KIAA1217: variants seen among roughly 807,000 people sequenced by gnomAD.
The protein encoded by KIAA1217 is sickle tail protein homolog.
In KIAA1217, 88 loss-of-function variants were observed where a neutral mutation model predicts 163.9. That is an observed-to-expected ratio of 0.54 (90% CI 0.45 to 0.64). KIAA1217 has a LOEUF of 0.64. Among genes scored for constraint, KIAA1217 ranks in the 30% least tolerant of loss-of-function variants. The pLI is 0.00. For missense variants in KIAA1217, 2,372 were observed against 2,475.0 expected (o/e 0.96, Z 0.88); for synonymous variants, 903 against 923.1 (o/e 0.98, Z 0.39).
chr10:23,720,756 A>T (rs995022245), intron 1 of KIAA1217, among the ~76,000 whole-genome samples: 1 of 152,194 alleles, frequency 6.6e-6, no homozygotes, highest in South Asian at 2.1e-4. Context: ...CTACTGTAAG[A>T]ATAGTCTGTC....
At chr10:23,775,009 A>G (rs977655433) in intron 1 of KIAA1217, among the ~76,000 whole-genome samples, 10 of 152,170 alleles carry the variant, frequency 6.6e-5, no homozygotes, top group Admixed American at 6.6e-4. Context: ...GGTTGGGTCA[A>G]ATGATGAAGA....
At chr10:24,005,505 AG>A (rs1846952675) in intron 1 of KIAA1217, among the ~76,000 whole-genome samples, 1 of 152,200 alleles carries the variant, frequency 6.6e-6, no homozygotes, top group Non-Finnish European at 1.5e-5. Context: ...TGTAAGTGGA[AG>A]GATCCCAGAC....
At chr10:23,797,538 C>T (rs1836263901) in intron 1 of KIAA1217, among the ~76,000 whole-genome samples, 1 of 152,090 alleles carries the variant, frequency 6.6e-6, no homozygotes, top group South Asian at 2.1e-4. Context: ...AATTGACTCA[C>T]AGTTCCACAG....
At chr10:24,044,763 T>C (rs1848871485) in intron 2 of KIAA1217, among the ~76,000 whole-genome samples, 1 of 152,186 alleles carries the variant, frequency 6.6e-6, no homozygotes, top group Non-Finnish European at 1.5e-5. Flanking sequence ...CTTTCATTAC[T>C]AAGCTGAAAA....
intron 9 of KIAA1217, among the ~76,000 whole-genome samples, chr10:24,503,358 C>T (rs1023223566): frequency 1.3e-5 from 2 of 152,212 alleles, no homozygotes; most frequent in Non-Finnish European, 2.9e-5. Flanking sequence ...TGAATCTCAT[C>T]GTCTGTGATG....
chr10:23,888,453 A>T (rs971300170), intron 1 of KIAA1217, among the ~76,000 whole-genome samples: 13 of 152,006 alleles, frequency 8.6e-5, no homozygotes, highest in African/African-American at 2.6e-4. Flanking sequence ...ATGCATCTGA[A>T]ATCAACTATC....
At chr10:24,241,630 G>A (rs1462853732) in intron 2 of KIAA1217, among the ~76,000 whole-genome samples, 1 of 152,098 alleles carries the variant, frequency 6.6e-6, no homozygotes, top group Admixed American at 6.6e-5. Flanking sequence ...CCTAGGAGTC[G>A]AATATACTGT....
At chr10:24,275,900 T>C (rs1374588354) in intron 2 of KIAA1217, 4 of 432,380 alleles carry the variant, frequency 9.3e-6, no homozygotes, top group Admixed American at 5.8e-5. Flanking sequence ...TCCCTTCTGG[T>C]CCTGATATTC....
chr10:24,466,464 T>C, intron 5 of KIAA1217: 1 of 943,846 alleles, frequency 1.1e-6, no homozygotes, highest in Non-Finnish European at 1.3e-6. Context: ...TGGGCTGAGG[T>C]TATTCAGTGA....
chr10:23,947,014 GC>G (rs1189656366), intron 1 of KIAA1217, among the ~76,000 whole-genome samples: 2 of 152,028 alleles, frequency 1.3e-5, no homozygotes, highest in African/African-American at 4.8e-5. Context: ...TTTAGAAGGC[GC>G]TTTTCCCCAT....
At chr10:24,168,847 G>A (rs4086430) in intron 2 of KIAA1217, among the ~76,000 whole-genome samples, 49,010 of 152,130 alleles carry the variant, frequency 0.32, 8,655 homozygotes, top group South Asian at 0.43. Context: ...CTTTTCTTAA[G>A]CAAAGGAAAC....
intron 2 of KIAA1217, among the ~76,000 whole-genome samples, chr10:24,179,415 C>A (rs900699495): frequency 6.6e-6 from 1 of 152,122 alleles, no homozygotes; most frequent in East Asian, 1.9e-4. Context: ...TACCTCCCCC[C>A]TCACTTCCTC....
chr10:24,341,013 T>A lies in KIAA1217; in HGVS notation c.355-39856T>A, dbSNP rs1041555157. On this transcript the variant is annotated intron_variant, in intron 2 of 20. Coordinates refer to ENST00000376454, the MANE Select transcript of KIAA1217 (RefSeq NM_019590.5). The stretch of plus-strand genomic sequence containing the variant: ...ATGTAATCCTGAGAAATGCGAATTT[T>A]TTCTCTCTGATTGCTTTGCTTTCCT... Among the ~76,000 whole-genome samples the A allele has an allele frequency of 3.3e-5, 5 of 151,194 alleles. No homozygotes were observed. In the East Asian group the frequency reaches 5.8e-4, roughly 17 times the overall value.
intron 5 of KIAA1217, among the ~76,000 whole-genome samples, chr10:24,442,857 C>T (rs888157298): frequency 2.0e-5 from 3 of 152,084 alleles, no homozygotes; most frequent in Non-Finnish European, 2.9e-5. Flanking sequence ...CTGCCTGTAC[C>T]AGTATTCTTA....
chr10:24,374,680 A>G (rs1275540215), intron 2 of KIAA1217, among the ~76,000 whole-genome samples: 1 of 152,176 alleles, frequency 6.6e-6, no homozygotes, highest in Non-Finnish European at 1.5e-5. Flanking sequence ...CACTGGGGAG[A>G]TATCATTCAG....
At chr10:24,483,019 CAAA>C (rs397846909) in intron 6 of KIAA1217, 63 of 95,566 alleles carry the variant, frequency 6.6e-4, no homozygotes, top group African/African-American at 1.8e-3. Context: ...GATCCTGTCT[CAAA>C]AAAAAAAAAA....
chr10:24,491,903 T>C (rs2066200437), intron 6 of KIAA1217, among the ~76,000 whole-genome samples: 1 of 152,120 alleles, frequency 6.6e-6, no homozygotes, highest in Non-Finnish European at 1.5e-5. Flanking sequence ...TTACCAAAGC[T>C]GTCTAGACTC....
At position 24,258,523 on chromosome 10, in the gene KIAA1217, A is replaced by T. The variant is rs57476564; in HGVS notation, c.354+38614A>T. Among the ~76,000 whole-genome samples the T allele has an allele frequency of 3.4e-3, 523 of 152,084 alleles. 3 individuals carry two copies. The highest frequency in any genetic ancestry group is 0.012 in the African/African-American group (503 of 41,490). On this transcript the variant is annotated intron_variant, in intron 2 of 20. Transcript: ENST00000376454. ...CCTTACTACTAGCCTAAGCCTTCATACTAGAGCAAAACCGTGGGCAGACAG... is the reference window on the plus strand; with the variant it reads ...CCTTACTACTAGCCTAAGCCTTCATTCTAGAGCAAAACCGTGGGCAGACAG...
At chr10:23,764,293 G>A (rs1186586060) in intron 1 of KIAA1217, among the ~76,000 whole-genome samples, 1 of 152,180 alleles carries the variant, frequency 6.6e-6, no homozygotes, top group East Asian at 1.9e-4. Flanking sequence ...TTATTAAAAA[G>A]TCAGGAAACA....
Sources: gnomAD v4.1 joint callset for allele counts (sites outside exome capture counted in the v4.1 genomes callset) on GRCh38, gnomAD v4.1.1 for gene constraint, MANE v1.5 for transcripts, NCBI Gene and HGNC (gene_info 2026-07-23, HGNC 2026-07-21) for gene names.